FARP1: variants seen among roughly 807,000 people sequenced by gnomAD.
FARP1 encodes the protein FERM, ARH/RhoGEF and pleckstrin domain protein 1, also known as FERM, ARHGEF and pleckstrin domain-containing protein 1.
In FARP1, 52 loss-of-function variants were observed where a neutral mutation model predicts 128.8. The observed-to-expected ratio is 0.40, with a 90% CI of 0.32 to 0.51. The LOEUF is 0.51. FARP1 is among the 20% of genes least tolerant of loss of function. FARP1 has a pLI of 0.45. For synonymous variants in FARP1, 580 were observed against 551.8 expected, an observed-to-expected ratio of 1.05 and a Z score of -0.72; for missense variants, 1,333 against 1,367.9, an observed-to-expected ratio of 0.97 and a Z score of 0.40.
intron 1 of FARP1, among the ~76,000 whole-genome samples, chr13:98,182,377 G>A (rs1256913468): frequency 6.6e-6 from 1 of 152,028 alleles, no homozygotes; most frequent in African/African-American, 2.4e-5. Flanking sequence ...CCAGGCTGGA[G>A]TGCAGTGGTG....
At chr13:98,317,929 T>G (rs555774862) in intron 2 of FARP1, among the ~76,000 whole-genome samples, 1 of 150,178 alleles carries the variant, frequency 6.7e-6, no homozygotes, top group Non-Finnish European at 1.5e-5. Flanking sequence ...CCTCTCTCCT[T>G]CCTTTCCTTC....
chr13:98,438,517 A>C (rs931339310), intron 19 of FARP1, among the ~76,000 whole-genome samples: 1 of 151,978 alleles, frequency 6.6e-6, no homozygotes, highest in Non-Finnish European at 1.5e-5. Flanking sequence ...CCTGCCCTGT[A>C]CCTTCCTGGG....
intron 5 of FARP1, among the ~76,000 whole-genome samples, chr13:98,376,553 C>G (rs1299186754): frequency 1.3e-5 from 2 of 152,134 alleles, no homozygotes; most frequent in East Asian, 3.9e-4. Flanking sequence ...CAAATCTTGG[C>G]TGTTGTGAAT....
intron 1 of FARP1, among the ~76,000 whole-genome samples, chr13:98,162,157 A>C (rs1280800769): frequency 6.6e-6 from 1 of 152,098 alleles, no homozygotes; most frequent in Non-Finnish European, 1.5e-5. Flanking sequence ...ACTTTCTATT[A>C]AAAGTGTTCT....
At chr13:98,401,600 C>T (rs1444036316) in intron 13 of FARP1, 32 of 151,230 alleles carry the variant, frequency 2.1e-4, no homozygotes, top group Admixed American at 2.1e-3. Context: ...GTGGTAAATG[C>T]TGATTTATTG....
At chr13:98,316,033 G>A (rs889891741) in intron 2 of FARP1, among the ~76,000 whole-genome samples, 6 of 152,202 alleles carry the variant, frequency 3.9e-5, no homozygotes, top group African/African-American at 1.4e-4. Context: ...CCCGGGGAAT[G>A]CGGAGGAATC....
At chr13:98,154,754 G>A (rs2139108258) in intron 1 of FARP1, among the ~76,000 whole-genome samples, 1 of 152,304 alleles carries the variant, frequency 6.6e-6, no homozygotes, top group South Asian at 2.1e-4. Context: ...AAGAATGCAG[G>A]CATTAGGGCA....
intron 24 of FARP1, among the ~76,000 whole-genome samples, chr13:98,442,669 G>A (rs1892573806): frequency 6.6e-6 from 1 of 152,210 alleles, no homozygotes; most frequent in African/African-American, 2.4e-5. Flanking sequence ...CTTCTCCCAG[G>A]GGATGGGGAT....
intron 6 of FARP1, among the ~76,000 whole-genome samples, chr13:98,382,931 C>T (rs995818710): frequency 7.9e-5 from 12 of 152,274 alleles, no homozygotes; most frequent in Middle Eastern, 3.4e-3. Context: ...AGGTAAGCAT[C>T]GTTCAGGCAT....
Position 98,176,405 on chromosome 13 carries a change from T to C in FARP1, c.-24+32913T>C. 1.2e-6 allele frequency: 2 copies of C among 1,614,180 alleles called. No individual in the cohort carries two copies. The highest frequency in any genetic ancestry group is 1.7e-6 in the Non-Finnish European group (2 of 1,180,044). ...GCCCGGAAGTGCTCCAGCGCGCAGC[T>C]CTCGCAGAAATAATGCCTGCACTTG... On this transcript the variant is annotated intron_variant, in intron 1 of 26. Transcript: ENST00000319562. The surrounding 1 kb of genome is among the most constrained non-coding windows in gnomAD (Gnocchi z 6.2).
chr13:98,189,743 A>C (rs1879105166), intron 1 of FARP1, among the ~76,000 whole-genome samples: 1 of 152,238 alleles, frequency 6.6e-6, no homozygotes, highest in Non-Finnish European at 1.5e-5. Flanking sequence ...ATAATGTAAT[A>C]AATCTGTTTT....
At chr13:98,315,710 A>C (rs1218452214) in intron 2 of FARP1, among the ~76,000 whole-genome samples, 1 of 152,190 alleles carries the variant, frequency 6.6e-6, no homozygotes, top group East Asian at 1.9e-4. Context: ...CCTGGAAAAC[A>C]AAAGATGCAG....
chr13:98,194,887 T>C (rs1305547289), intron 1 of FARP1, among the ~76,000 whole-genome samples: 6 of 152,196 alleles, frequency 3.9e-5, no homozygotes, highest in African/African-American at 1.2e-4. Flanking sequence ...TGAGGAAGTT[T>C]TCAAAAATTA....
intron 2 of FARP1, among the ~76,000 whole-genome samples, chr13:98,287,102 A>G (rs1885207246): frequency 6.6e-6 from 1 of 151,968 alleles, no homozygotes; most frequent in African/African-American, 2.4e-5. Flanking sequence ...TGCACTACAG[A>G]TACAAAATGT....
chr13:98,327,081 A>G (rs1887268061), intron 2 of FARP1, among the ~76,000 whole-genome samples: 1 of 152,234 alleles, frequency 6.6e-6, no homozygotes, highest in Non-Finnish European at 1.5e-5. Context: ...TCATTTGTGT[A>G]AATTCTTTGC....
chr13:98,206,996 T>C (rs1880310852), intron 1 of FARP1, among the ~76,000 whole-genome samples: 1 of 152,230 alleles, frequency 6.6e-6, no homozygotes, highest in South Asian at 2.1e-4. Flanking sequence ...TGGATTTGTT[T>C]ATCTGGAAGA....
At chr13:98,324,232 G>T (rs868639186) in intron 2 of FARP1, among the ~76,000 whole-genome samples, 1 of 152,160 alleles carries the variant, frequency 6.6e-6, no homozygotes, top group African/African-American at 2.4e-5. Context: ...CAAAGGTCAA[G>T]TTACTCTCAT....
chr13:98,377,759 G>A, intron 5 of FARP1, 62 bp from the exon 6 acceptor site: 1 of 1,253,338 alleles, frequency 8.0e-7, no homozygotes, highest in Non-Finnish European at 1.2e-6. Flanking sequence ...TCATGGTGAG[G>A]CCAGGTTCCC....
At chr13:98,268,396 G>A (rs915858148) in intron 2 of FARP1, among the ~76,000 whole-genome samples, 1 of 151,978 alleles carries the variant, frequency 6.6e-6, no homozygotes, top group African/African-American at 2.4e-5. Flanking sequence ...TCAGCAGGAA[G>A]AGATACTGGC....
Sources: gnomAD v4.1 joint callset for allele counts (sites outside exome capture counted in the v4.1 genomes callset) on GRCh38, gnomAD v4.1.1 for gene constraint, Gnocchi (gnomAD v3.1) non-coding constraint, MANE v1.5 for transcripts, NCBI Gene and HGNC (gene_info 2026-07-23, HGNC 2026-07-21) for gene names.